The following VEGFA variants were observed in gnomAD, a reference collection of about 807,000 sequenced individuals.
VEGFA encodes the protein vascular endothelial growth factor A, long form.
In VEGFA, 20 loss-of-function variants were observed where a neutral mutation model predicts 49.7. The observed-to-expected ratio is 0.40, with a 90% CI of 0.28 to 0.58. The LOEUF (loss-of-function observed/expected upper bound fraction) is 0.58, where lower values mean the gene tolerates loss of function less well. VEGFA is among the 20% of genes least tolerant of loss of function. The probability of loss-of-function intolerance (pLI) is 0.40; values close to 1 mark genes in which losing one functional copy is unlikely to be tolerated. For synonymous variants in VEGFA, 219 were observed against 223.4 expected, an observed-to-expected ratio of 0.98 and a Z score of 0.18; for missense variants, 505 against 553.5, an observed-to-expected ratio of 0.91 and a Z score of 0.88.
In VEGFA at chr6:43,784,609, C is replaced by A. The variant is rs202125661; in HGVS notation, c.*47C>A. ...TCCCTCAGGGTTTCGGGAACCAGAT[C>A]TCTCACCAGGAAAGACTGATACAGA... On this transcript the variant is annotated 3_prime_UTR_variant, in exon 8 of 8. Transcript: ENST00000672860. 2.1e-4 allele frequency: 336 copies of A among 1,614,218 alleles called. 1 individual carries two copies. The East Asian group carries it at 5.4e-3, about 26-fold the overall frequency.
rs939385776 is a variant in VEGFA at position 43,770,562 on chromosome 6, G to A, written c.-145G>A. ...GCAAGAGCTCCAGAGAGAAGTCGAGGAAGAGAGAGACGGGGTCAGAGAGAG... is the reference window on the plus strand; with the variant it reads ...GCAAGAGCTCCAGAGAGAAGTCGAGAAAGAGAGAGACGGGGTCAGAGAGAG... On this transcript the variant is annotated 5_prime_UTR_variant, in exon 1 of 8. Coordinates refer to ENST00000672860, the MANE Select transcript of VEGFA (RefSeq NM_003376.6). 15 of 1,345,828 alleles carry A rather than the reference G, an allele frequency of 1.1e-5. No individual in the cohort carries two copies. The highest frequency in any genetic ancestry group is 1.3e-5 in the Non-Finnish European group (14 of 1,054,942). The allele number at this position is 1,345,828 out of a possible 1,614,324, so 83.4% of individuals were successfully genotyped here. A position where few individuals can be genotyped will look rare whatever the true frequency, so the allele number is the denominator to read the frequency against.
rs373341818 is a variant in VEGFA, at chr6:43,777,324, C to T, written c.659-145C>T. 18 of 852,584 alleles carry T rather than the reference C, an allele frequency of 2.1e-5. No homozygotes were observed. Among genetic ancestry groups the T allele is most frequent in the African/African-American group, 1.7e-4 (10 of 59,960 alleles). 52.8% of individuals were successfully genotyped at this position (852,584 alleles called of 1,614,324 possible). On this transcript the variant is annotated intron_variant, in intron 2 of 7. Coordinates refer to ENST00000672860, the MANE Select transcript of VEGFA (RefSeq NM_003376.6). This position sits in a 1 kb window ranked among gnomAD's most constrained non-coding sequence, Gnocchi z 4.3. ...AAAGCTTAGGGAAGTGCTTCAAACA[C>T]AGTAGGAGGGACTTACGTTAGATTT...
At chr6:43,781,091 C>T (rs1040466594) in intron 6 of VEGFA, 1 of 641,936 alleles carries the variant, frequency 1.6e-6, no homozygotes, top group African/African-American at 1.8e-5. Context: ...TTCTCTCACC[C>T]ACTGGGCACT....
rs1423832768 is a variant in VEGFA, at chr6:43,770,994, G to A, written c.288G>A (p.Glu96=). Residue 96 remains glutamate, a synonymous_variant, in exon 1 of 8, where the codon GAG becomes GAA. Transcript: ENST00000672860. ...AGGAGCCGCAGCCGGAGGAGGGGGAGGAGGAAGAAGAGAAGGAAGAGGAGA... is the reference window on the plus strand; with the variant it reads ...AGGAGCCGCAGCCGGAGGAGGGGGAAGAGGAAGAAGAGAAGGAAGAGGAGA... The A allele has an allele frequency of 4.5e-6, 7 of 1,541,876 alleles. No individual in the cohort carries two copies. In the African/African-American group the frequency reaches 8.3e-5, roughly 18 times the overall value.
At chr6:43,778,667 A>G in intron 4 of VEGFA, 131 bp downstream of exon 4, 1 of 1,089,050 alleles carries the variant, frequency 9.2e-7, no homozygotes, top group Non-Finnish European at 1.4e-6. Flanking sequence ...ATTTTACTTC[A>G]ATGTGCCTCA....
At chr6:43,782,489 A>G in intron 7 of VEGFA, 1 of 322,592 alleles carries the variant, frequency 3.1e-6, no homozygotes, top group Admixed American at 4.3e-5. Context: ...GACAATGTCA[A>G]CAAAGCACAG....
chr6:43,780,687 C>A (rs1767271125), intron 5 of VEGFA, 45 bp from the exon 6 acceptor site: 3 of 1,598,998 alleles, frequency 1.9e-6, no homozygotes, highest in Middle Eastern at 1.7e-4. Flanking sequence ...TTTACTCCCC[C>A]CACCGCCCCC....
intron 6 of VEGFA, chr6:43,781,494 G>A: frequency 3.5e-6 from 1 of 286,712 alleles, no homozygotes; most frequent in East Asian, 9.1e-5. Flanking sequence ...TGGGGACACC[G>A]CCTCCGGGCT....
chr6:43,770,724 A>G lies in VEGFA; in HGVS notation c.18A>G (p.Thr6=). 6.5e-7 allele frequency: 1 copy of G among 1,542,770 alleles called. No homozygotes were observed. ...CAGTCGCGCTGACGGACAGACAGAC[A>G]GACACCGCCCCCAGCCCCAGCTACC... The change falls in exon 1 of 8, where the codon ACA becomes ACG. Residue 6 remains threonine, a synonymous_variant. Coordinates refer to ENST00000672860, the MANE Select transcript of VEGFA (RefSeq NM_003376.6).
rs1769292467 is a variant in VEGFA at position 43,785,445 on chromosome 6, A to G, written c.*883A>G. 1 of 220,078 alleles carries G rather than the reference A, an allele frequency of 4.5e-6. No individual in the cohort carries two copies. The highest frequency in any genetic ancestry group is 1.8e-4 in the South Asian group (1 of 5,422). The allele number at this position is 220,078 out of a possible 1,614,324, so 13.6% of individuals were successfully genotyped here. On this transcript the variant is annotated 3_prime_UTR_variant, in exon 8 of 8. Transcript: ENST00000672860. ...TCAGGAGCCTGGGCGGCCTTCGCTT[A>G]CTCTCACCTGCTTCTGAGTTGCCCA...
chr6:43,771,954 C>T, intron 1 of VEGFA: 1 of 955,098 alleles, frequency 1.0e-6, no homozygotes, highest in Non-Finnish European at 1.2e-6. Context: ...CCCGCCCGGC[C>T]GGGTGCGCGC....
intron 6 of VEGFA, 170 bp from the exon 7 acceptor site, chr6:43,781,786 C>T (rs1767864535): frequency 3.5e-6 from 3 of 845,604 alleles, no homozygotes; most frequent in Non-Finnish European, 5.6e-6. Context: ...CCTCTTTCCG[C>T]CGCTCTCTCT....
rs1191952751 is a variant in VEGFA at position 43,786,441 on chromosome 6, A to T, written c.*1879A>T. On this transcript the variant is annotated 3_prime_UTR_variant, in exon 8 of 8. Transcript: ENST00000672860. ...GACAAAGAAATACAGATATATCTTA[A>T]AAAAAAAAAAGCATTTTGTATTAAA... 1.9e-5 allele frequency: 3 copies of T among 160,606 alleles called. No homozygotes were observed. The highest frequency in any genetic ancestry group is 5.1e-5 in the African/African-American group (2 of 38,896). 9.9% of individuals were successfully genotyped at this position (160,606 alleles called of 1,614,324 possible). A position where few individuals can be genotyped will look rare whatever the true frequency, so the allele number is the denominator to read the frequency against.
chr6:43,786,439 TAA>T lies in VEGFA; in HGVS notation c.*1888_*1889del, dbSNP rs869136464. 1.2e-4 allele frequency: 19 copies of T among 158,782 alleles called. No homozygotes were observed. Among genetic ancestry groups the T allele is most frequent in the East Asian group, 5.0e-4 (4 of 8,044 alleles). 9.8% of individuals were successfully genotyped at this position (158,782 alleles called of 1,614,324 possible). A position where few individuals can be genotyped will look rare whatever the true frequency, so the allele number is the denominator to read the frequency against. On this transcript the variant is annotated 3_prime_UTR_variant, in exon 8 of 8. Coordinates refer to ENST00000672860, the MANE Select transcript of VEGFA (RefSeq NM_003376.6). Reference sequence around the variant, plus strand: ...ACGACAAAGAAATACAGATATATCTTAAAAAAAAAAAAGCATTTTGTATTAAA... The same window carrying T: ...ACGACAAAGAAATACAGATATATCTTAAAAAAAAAAGCATTTTGTATTAAA...
chr6:43,784,837 T>C lies in VEGFA; in HGVS notation c.*275T>C. 2 of 616,824 alleles carry C rather than the reference T, an allele frequency of 3.2e-6. No homozygotes were observed. Among genetic ancestry groups the C allele is most frequent in the Non-Finnish European group, 2.9e-6 (1 of 344,776 alleles). The allele number at this position is 616,824 out of a possible 1,614,324, so 38.2% of individuals were successfully genotyped here. A position where few individuals can be genotyped will look rare whatever the true frequency, so the allele number is the denominator to read the frequency against. ...AATTGGATTCGCCATTTTATTTTTC[T>C]TGCTGCTAAATCACCGAGCCCGGAA... On this transcript the variant is annotated 3_prime_UTR_variant, in exon 8 of 8. Coordinates refer to ENST00000672860, the MANE Select transcript of VEGFA (RefSeq NM_003376.6).
At chr6:43,781,826 A>G in intron 6 of VEGFA, 130 bp from the exon 7 acceptor site, 2 of 1,275,854 alleles carry the variant, frequency 1.6e-6, no homozygotes, top group East Asian at 2.5e-5. Flanking sequence ...GGATCCTTCC[A>G]GGGCCTGGGG....
At chr6:43,779,211 C>A in intron 5 of VEGFA, 1 of 553,360 alleles carries the variant, frequency 1.8e-6, no homozygotes, top group Non-Finnish European at 3.2e-6. Flanking sequence ...TCAGGGGGCA[C>A]TGTGGACACT....
At chr6:43,781,041 G>T (rs779788309) in intron 6 of VEGFA, 28 of 989,992 alleles carry the variant, frequency 2.8e-5, no homozygotes, top group African/African-American at 4.8e-5. Flanking sequence ...TTGGCCTGGA[G>T]GATTAAGGGA....
rs3025003 is a variant in VEGFA at position 43,778,734 on chromosome 6, T to G, written c.933-155T>G. 9,333 of 1,011,016 alleles carry G rather than the reference T, an allele frequency of 9.2e-3. 470 individuals carry two copies. In the African/African-American group the frequency reaches 0.12, roughly 13 times the overall value. The allele number at this position is 1,011,016 out of a possible 1,614,324, so 62.6% of individuals were successfully genotyped here. On this transcript the variant is annotated intron_variant, in intron 4 of 7. Transcript: ENST00000672860. Reference sequence around the variant, plus strand: ...AGTATACTTCATAGCATTGTTATAATGATTAAACAAGTTATATATGAAAAG... The same window carrying G: ...AGTATACTTCATAGCATTGTTATAAGGATTAAACAAGTTATATATGAAAAG...
Sources: gnomAD v4.1 joint callset for allele counts on GRCh38, gnomAD v4.1.1 for gene constraint, Gnocchi (gnomAD v3.1) non-coding constraint, MANE v1.5 for transcripts, NCBI Gene and HGNC (gene_info 2026-07-23, HGNC 2026-07-21) for gene names.